FANCC: variants seen among roughly 807,000 people sequenced by gnomAD.
FANCC encodes the protein Fanconi anemia group C protein.
A neutral mutation model predicts 71.3 loss-of-function variants in FANCC; 55 were observed. The observed-to-expected ratio is 0.77, with a 90% CI of 0.62 to 0.97. The LOEUF is 0.97. Among genes scored for constraint, FANCC ranks in the 50% least tolerant of loss-of-function variants. The pLI, the probability that FANCC is intolerant of heterozygous loss-of-function variation, is 0.00. For missense variants in FANCC, 678 were observed against 670.9 expected (o/e 1.01, Z -0.12); for synonymous variants, 275 against 244.9 (o/e 1.12, Z -1.15).
intron 6 of FANCC, among the ~76,000 whole-genome samples, chr9:95,161,842 C>CTTTTTT (rs71366277): frequency 9.0e-6 from 1 of 110,766 alleles, no homozygotes; most frequent in African/African-American, 3.2e-5. Flanking sequence ...CTTTTCTTTT[C>CTTTTTT]TTTTTTTTTT....
At chr9:95,269,938 G>A (rs1832625271) in intron 1 of FANCC, among the ~76,000 whole-genome samples, 1 of 152,124 alleles carries the variant, frequency 6.6e-6, no homozygotes. Context: ...AGTTCCCTTA[G>A]TATTTATTGA....
intron 14 of FANCC, among the ~76,000 whole-genome samples, chr9:95,105,021 A>G (rs919661854): frequency 1.3e-5 from 2 of 152,220 alleles, no homozygotes; most frequent in African/African-American, 2.4e-5. Context: ...TGTGCATTTT[A>G]TAAGAGTACA....
intron 1 of FANCC, among the ~76,000 whole-genome samples, chr9:95,302,071 G>A (rs1281805267): frequency 3.6e-5 from 4 of 112,612 alleles, no homozygotes; most frequent in African/African-American, 1.4e-4. Flanking sequence ...GACAGAGTGA[G>A]ACTCCATCTC....
intron 4 of FANCC, among the ~76,000 whole-genome samples, chr9:95,207,587 A>T (rs186198733): frequency 2.0e-5 from 3 of 152,212 alleles, no homozygotes; most frequent in Admixed American, 2.0e-4. Context: ...AACATTGCCC[A>T]TCTCCCTCCT....
At chr9:95,101,923 C>T in intron 14 of FANCC, 73 bp from the exon 15 acceptor site, 1 of 1,546,014 alleles carries the variant, frequency 6.5e-7, no homozygotes, top group Non-Finnish European at 8.9e-7. Context: ...CAGGGACGGA[C>T]CATAACCACC....
intron 4 of FANCC, among the ~76,000 whole-genome samples, chr9:95,214,135 A>G (rs1588291865): frequency 6.6e-6 from 1 of 152,318 alleles, no homozygotes; most frequent in East Asian, 1.9e-4. Context: ...CTATGAAAAA[A>G]ACAGAAAATG....
chr9:95,133,234 C>A (rs1171707536), intron 8 of FANCC, among the ~76,000 whole-genome samples: 1 of 152,238 alleles, frequency 6.6e-6, no homozygotes, highest in Non-Finnish European at 1.5e-5. Context: ...GCCCAGGATG[C>A]TGAGGAGAAC....
At chr9:95,294,641 T>C in intron 1 of FANCC, 1 of 1,583,266 alleles carries the variant, frequency 6.3e-7, no homozygotes, top group African/African-American at 1.3e-5. Context: ...ACACAGACCA[T>C]GAGTTCTGGG....
chr9:95,238,362 AT>A (rs1320402538), intron 4 of FANCC, among the ~76,000 whole-genome samples: 2 of 152,132 alleles, frequency 1.3e-5, no homozygotes, highest in East Asian at 3.9e-4. Context: ...ATCTGCCATT[AT>A]ACCTTCTGGG....
At chr9:95,222,530 G>A (rs1234580864) in intron 4 of FANCC, among the ~76,000 whole-genome samples, 1 of 152,150 alleles carries the variant, frequency 6.6e-6, no homozygotes, top group African/African-American at 2.4e-5. Flanking sequence ...AACTTTCTGG[G>A]GTGATGAACA....
At chr9:95,128,759 G>A (rs1044535861) in intron 8 of FANCC, among the ~76,000 whole-genome samples, 4 of 152,178 alleles carry the variant, frequency 2.6e-5, no homozygotes, top group East Asian at 3.8e-4. Context: ...TCTCCTCTTA[G>A]ATTTCTTTCT....
At chr9:95,150,309 A>G (rs1347260426) in intron 6 of FANCC, among the ~76,000 whole-genome samples, 1 of 152,166 alleles carries the variant, frequency 6.6e-6, no homozygotes, top group Non-Finnish European at 1.5e-5. Context: ...CATGGTCAGG[A>G]CTTTGTTCTT....
In FANCC at chr9:95,101,792, T is replaced by C. The variant is rs1435731087; in HGVS notation, c.1592A>G (p.Tyr531Cys). Reference sequence around the variant, plus strand: ...TTCAATGCCAAGACGATTCCATCTGTACAAGGTCTGGTCAAGAAAGCCAAT... The same window carrying C: ...TTCAATGCCAAGACGATTCCATCTGCACAAGGTCTGGTCAAGAAAGCCAAT... ...EIIGFLDQTL[Y>C]RWNRLGIESP... Residue 531 changes from tyrosine (Y) to cysteine (C), a missense_variant, in exon 15 of 15, where the codon TAC (tyrosine) becomes TGC (cysteine). Tyr to Cys is a radical substitution (Grantham distance 194, BLOSUM62 -2). Transcript: ENST00000289081. 1 of 1,614,134 alleles carries C rather than the reference T, an allele frequency of 6.2e-7. No individual in the cohort carries two copies. Among genetic ancestry groups the C allele is most frequent in the Non-Finnish European group, 8.5e-7 (1 of 1,180,022 alleles).
At chr9:95,225,995 T>C (rs1829588527) in intron 4 of FANCC, among the ~76,000 whole-genome samples, 2 of 152,206 alleles carry the variant, frequency 1.3e-5, no homozygotes, top group Non-Finnish European at 2.9e-5. Flanking sequence ...ACAAATGGAC[T>C]TGAAATACTG....
At chr9:95,140,234 T>C (rs1224920244) in intron 7 of FANCC, among the ~76,000 whole-genome samples, 1 of 152,022 alleles carries the variant, frequency 6.6e-6, no homozygotes, top group Non-Finnish European at 1.5e-5. Context: ...AGAAATCTGA[T>C]TTACAGTGAC....
At chr9:95,266,771 G>A (rs144471665) in intron 1 of FANCC, among the ~76,000 whole-genome samples, 13 of 152,250 alleles carry the variant, frequency 8.5e-5, no homozygotes, top group East Asian at 5.8e-4. Context: ...AGCCTCAGAC[G>A]GAGTTTAAGT....
chr9:95,180,193 T>C (rs1826251893), intron 4 of FANCC, among the ~76,000 whole-genome samples: 1 of 152,072 alleles, frequency 6.6e-6, no homozygotes, highest in Admixed American at 6.6e-5. Context: ...ATCACTGTCT[T>C]CTACCTCCAC....
At chr9:95,190,321 T>A (rs955858282) in intron 4 of FANCC, among the ~76,000 whole-genome samples, 2 of 152,102 alleles carry the variant, frequency 1.3e-5, no homozygotes, top group Non-Finnish European at 2.9e-5. Flanking sequence ...GGATTTCTCA[T>A]GTCAATTACA....
At chr9:95,182,188 C>T (rs960622185) in intron 4 of FANCC, among the ~76,000 whole-genome samples, 1 of 151,508 alleles carries the variant, frequency 6.6e-6, no homozygotes, top group African/African-American at 2.4e-5. Context: ...CCACTTTGCT[C>T]TCCATGGCAT....
Sources: gnomAD v4.1 joint callset for allele counts (sites outside exome capture counted in the v4.1 genomes callset) on GRCh38, gnomAD v4.1.1 for gene constraint, MANE v1.5 for transcripts, NCBI Gene and HGNC (gene_info 2026-07-23, HGNC 2026-07-21) for gene names.